APP: variants seen among roughly 807,000 people sequenced by gnomAD.
The protein encoded by APP is amyloid-beta precursor protein.
APP carries 31 observed loss-of-function variants against 101.4 expected under a neutral mutation model. The observed-to-expected ratio is 0.31, with a 90% CI of 0.23 to 0.41. APP has a LOEUF of 0.41. Among genes scored for constraint, APP ranks in the 10% least tolerant of loss-of-function variants. APP has a pLI of 1.00. For synonymous variants in APP, 366 were observed against 364.4 expected (o/e 1.00, Z -0.05); for missense variants, 839 against 1,003.7 (o/e 0.84, Z 2.22).
intron 13 of APP, among the ~76,000 whole-genome samples, chr21:25,950,649 TTTTTG>T (rs1189995574): frequency 2.0e-5 from 3 of 152,060 alleles, no homozygotes; most frequent in African/African-American, 7.2e-5. Flanking sequence ...GCAGCTGTTT[TTTTTG>T]TTTTGTCTTT....
chr21:25,911,962 T>C lies in APP; in HGVS notation c.1688A>G (p.Asp563Gly), dbSNP rs1219139010. Reference sequence around the variant, plus strand: ...GTTTTGCTCTTTCTGAAGCAGCTCATCTAAACCAAACAAAACCATCTCTTT... The same window carrying C: ...GTTTTGCTCTTTCTGAAGCAGCTCACCTAAACCAAACAAAACCATCTCTTT... ...AVAEEIQDEVDELLQKEQNYS... is the reference protein window; with the variant it reads ...AVAEEIQDEVGELLQKEQNYS... The change falls in exon 14 of 18, where the codon GAT becomes GGT. Residue 563 changes from aspartate to glycine, a missense_variant and splice_region_variant. Asp to Gly is a moderately conservative substitution (Grantham distance 94). Coordinates refer to ENST00000346798, the MANE Select transcript of APP (RefSeq NM_000484.4). The C allele has an allele frequency of 6.2e-7, 1 of 1,612,988 alleles. No individual in the cohort carries two copies. Among genetic ancestry groups the C allele is most frequent in the South Asian group, 1.1e-5 (1 of 91,022 alleles).
At position 25,910,849 on chromosome 21, in the gene APP, A is replaced by C. The variant is rs545950660; in HGVS notation, c.1909+892T>G. 4.6e-5 allele frequency among the ~76,000 whole-genome samples: 7 copies of C among 152,364 alleles called. No individual in the cohort carries two copies. In the South Asian group the frequency reaches 1.2e-3, roughly 27 times the overall value. On this transcript the variant is annotated intron_variant, in intron 14 of 17. Coordinates refer to ENST00000346798, the MANE Select transcript of APP (RefSeq NM_000484.4). ...TTCTCTATCTTTGCCTTTAACATTT[A>C]ATTCAATCTGAAATTTCATGTAAGA...
intron 3 of APP, among the ~76,000 whole-genome samples, chr21:26,057,820 A>G (rs2046103486): frequency 6.6e-6 from 1 of 152,232 alleles, no homozygotes; most frequent in African/African-American, 2.4e-5. Flanking sequence ...AAAATGGTTC[A>G]TTTGGCCCAT....
At chr21:25,883,051 A>G (rs550435654) in intron 17 of APP, among the ~76,000 whole-genome samples, 10 of 152,290 alleles carry the variant, frequency 6.6e-5, no homozygotes, top group African/African-American at 2.4e-4. Flanking sequence ...AGGTCTCGAG[A>G]TGGAGCTAGA....
intron 2 of APP, among the ~76,000 whole-genome samples, chr21:26,102,490 G>A (rs1402274483): frequency 6.6e-6 from 1 of 152,052 alleles, no homozygotes; most frequent in Non-Finnish European, 1.5e-5. Context: ...TATGTTTCAA[G>A]GGGAATATTA....
chr21:25,963,546 T>G (rs192836529), intron 11 of APP, among the ~76,000 whole-genome samples: 23 of 152,180 alleles, frequency 1.5e-4, no homozygotes, highest in African/African-American at 5.5e-4. Flanking sequence ...AGCATTAAAT[T>G]GCACCCTGGT....
At position 26,152,233 on chromosome 21, in the gene APP, C is replaced by T. The variant is rs575476426; in HGVS notation, c.57+18331G>A. ...CCGGGAGGCGGAGCTTGCAGTGAGC[C>T]GAGATCGCGCCACTGCACTCCAGTC... is the stretch of plus-strand genomic sequence containing the variant. On this transcript the variant is annotated intron_variant, in intron 1 of 17. Coordinates refer to ENST00000346798, the MANE Select transcript of APP (RefSeq NM_000484.4). Among the ~76,000 whole-genome samples, 11 of 138,888 alleles carry T rather than the reference C, an allele frequency of 7.9e-5. No homozygotes were observed. The East Asian group carries it at 2.0e-3, about 25-fold the overall frequency. 91.1% of individuals were successfully genotyped at this position (138,888 alleles called of 152,430 possible). A position where few individuals can be genotyped will look rare whatever the true frequency, so the allele number is the denominator to read the frequency against.
At chr21:25,973,142 CAT>C (rs1298701083) in intron 11 of APP, among the ~76,000 whole-genome samples, 1 of 148,044 alleles carries the variant, frequency 6.8e-6, no homozygotes, top group African/African-American at 2.5e-5. Context: ...AAAATAGAAT[CAT>C]AAAAAATTTC....
chr21:26,075,996 T>G (rs1028717254), intron 3 of APP, among the ~76,000 whole-genome samples: 22 of 152,064 alleles, frequency 1.4e-4, no homozygotes, highest in African/African-American at 4.6e-4. Context: ...CGGTTTCAAG[T>G]GATTCTCCTG....
At chr21:26,132,640 A>T (rs2062819351) in intron 1 of APP, among the ~76,000 whole-genome samples, 1 of 152,220 alleles carries the variant, frequency 6.6e-6, no homozygotes, top group Non-Finnish European at 1.5e-5. Context: ...ACATATATGT[A>T]TCTCCATTAA....
chr21:26,001,504 CAACAG>C (rs1568836617), intron 6 of APP, among the ~76,000 whole-genome samples: 1 of 152,150 alleles, frequency 6.6e-6, no homozygotes, highest in Non-Finnish European at 1.5e-5. Flanking sequence ...TAGGAATATT[CAACAG>C]ATTCTTTTTT....
At chr21:26,005,965 TGAAAA>T (rs1053198205) in intron 6 of APP, among the ~76,000 whole-genome samples, 5 of 152,270 alleles carry the variant, frequency 3.3e-5, no homozygotes, top group African/African-American at 4.8e-5. Flanking sequence ...AAAATAAAGT[TGAAAA>T]GAAAACAAAT....
At chr21:25,950,790 G>A (rs1424189178) in intron 13 of APP, among the ~76,000 whole-genome samples, 1 of 152,124 alleles carries the variant, frequency 6.6e-6, no homozygotes, top group Non-Finnish European at 1.5e-5. Flanking sequence ...AGGATCTCAG[G>A]TAAGTAGGGG....
In APP at chr21:26,151,495, T is replaced by A. The variant is rs555410756; in HGVS notation, c.57+19069A>T. Among the ~76,000 whole-genome samples, 40 of 152,246 alleles carry A rather than the reference T, an allele frequency of 2.6e-4. No individual in the cohort carries two copies. In the South Asian group the frequency reaches 7.5e-3, roughly 28 times the overall value. ...GTACGTTCATTACCTTTTTTTTTTA[T>A]GTTAAAGACCACCATGCGTAACACT... On this transcript the variant is annotated intron_variant, in intron 1 of 17. Transcript: ENST00000346798.
intron 1 of APP, among the ~76,000 whole-genome samples, chr21:26,144,759 A>T (rs467021): frequency 2.0e-5 from 3 of 152,012 alleles, no homozygotes; most frequent in African/African-American, 7.2e-5. Flanking sequence ...GAGAATTCCA[A>T]AGATAGCATT....
intron 6 of APP, among the ~76,000 whole-genome samples, chr21:26,008,162 C>A (rs1488949469): frequency 2.0e-5 from 3 of 152,212 alleles, no homozygotes; most frequent in Non-Finnish European, 2.9e-5. Context: ...GCCAATACAT[C>A]TGTCATTCTA....
intron 17 of APP, among the ~76,000 whole-genome samples, chr21:25,883,711 AAAAT>A (rs1029669743): frequency 6.6e-6 from 1 of 152,288 alleles, no homozygotes; most frequent in Admixed American, 6.5e-5. Context: ...TAAATAAATA[AAAAT>A]AAATCTGTCA....
chr21:26,040,367 C>G (rs965104586), intron 5 of APP, among the ~76,000 whole-genome samples: 1 of 151,932 alleles, frequency 6.6e-6, no homozygotes, highest in Non-Finnish European at 1.5e-5. Context: ...TTTGGGAGGC[C>G]GAGGCCAGTG....
At chr21:25,987,351 G>T (rs189033444) in intron 8 of APP, among the ~76,000 whole-genome samples, 6 of 152,132 alleles carry the variant, frequency 3.9e-5, no homozygotes, top group Non-Finnish European at 7.3e-5. Context: ...GACTTAAAAC[G>T]AGACAAAACA....
Sources: allele counts gnomAD v4.1 joint callset (sites outside exome capture counted in the v4.1 genomes callset), GRCh38; gene constraint gnomAD v4.1.1; transcripts MANE v1.5; gene names NCBI Gene and HGNC (gene_info 2026-07-23, HGNC 2026-07-21).